VEGFA: variants seen among roughly 807,000 people sequenced by gnomAD.
VEGFA encodes vascular endothelial growth factor A.
Under a neutral mutation model 49.7 loss-of-function variants are expected in VEGFA, and 20 were observed. That is an observed-to-expected ratio of 0.40 (90% CI 0.28 to 0.58). VEGFA has a LOEUF of 0.58. VEGFA is among the 20% of genes least tolerant of loss of function. The pLI is 0.40. For synonymous variants in VEGFA, 219 were observed against 223.4 expected, an observed-to-expected ratio of 0.98 and a Z score of 0.18; for missense variants, 505 against 553.5, an observed-to-expected ratio of 0.91 and a Z score of 0.88.
At chr6:43,779,015 C>G in intron 5 of VEGFA, 97 bp downstream of exon 5, 1 of 1,519,074 alleles carries the variant, frequency 6.6e-7, no homozygotes, top group South Asian at 1.1e-5. Flanking sequence ...CATAGCCTCC[C>G]TGGGTCAGGG....
In VEGFA at chr6:43,773,014, G is replaced by A. The variant is rs1024759690; in HGVS notation, c.607-1327G>A. On this transcript the variant is annotated intron_variant, in intron 1 of 7. Transcript: ENST00000672860. The surrounding 1 kb of genome is among the most constrained non-coding windows in gnomAD (Gnocchi z 5.6). The stretch of plus-strand genomic sequence containing the variant: ...GGGCCCAGGAGGAGTGGAGGGTCCC[G>A]GGAGAATATTGTCAGGGGGAAGGCA... 1.3e-5 allele frequency among the ~76,000 whole-genome samples: 2 copies of A among 152,080 alleles called. No individual in the cohort carries two copies. The highest frequency in any genetic ancestry group is 2.9e-5 in the Non-Finnish European group (2 of 68,010).
chr6:43,780,678 T>G, intron 5 of VEGFA, 54 bp from the exon 6 acceptor site: 1 of 1,583,728 alleles, frequency 6.3e-7, no homozygotes. Context: ...ACCACTTCTT[T>G]TACTCCCCCC....
intron 3 of VEGFA, 79 bp from the exon 4 acceptor site, chr6:43,778,381 G>A: frequency 1.6e-6 from 2 of 1,264,064 alleles, no homozygotes; most frequent in South Asian, 1.2e-5. Flanking sequence ...GTGCTGAGTG[G>A]CAGGAGCCCC....
chr6:43,783,272 A>C (rs1435914495), intron 7 of VEGFA: 2 of 152,422 alleles, frequency 1.3e-5, no homozygotes, highest in Admixed American at 6.5e-5. Flanking sequence ...AGACAGGGCC[A>C]AGGCACCCCC....
At chr6:43,778,824 A>G (rs896370389) in intron 4 of VEGFA, 65 bp from the exon 5 acceptor site, 3 of 1,550,594 alleles carry the variant, frequency 1.9e-6, no homozygotes, top group African/African-American at 1.4e-5. Context: ...TGTTATCCCT[A>G]TCATTATCAT....
At chr6:43,775,127 A>C (rs1582484160) in intron 2 of VEGFA, 1 of 152,892 alleles carries the variant, frequency 6.5e-6, no homozygotes, top group South Asian at 2.1e-4. Flanking sequence ...AGTTTCCCTG[A>C]CCTAAATCTG....
At chr6:43,774,413 G>A (rs752276410) in intron 2 of VEGFA, 21 bp downstream of exon 2, 60 of 1,613,998 alleles carry the variant, frequency 3.7e-5, no homozygotes, top group Non-Finnish European at 5.1e-5. Flanking sequence ...CTGGCTGTTG[G>A]ATGGGGTTCC....
At position 43,780,906 on chromosome 6, in the gene VEGFA, T is replaced by C. The variant is rs3025052; in HGVS notation, c.1034+103T>C. ...TAACCCTGCCTCCCTCCCCTGGTCC[T>C]TCCCTGGCTCTCATCCTCCTGGCCC... On this transcript the variant is annotated intron_variant, in intron 6 of 7. Coordinates refer to ENST00000672860, the MANE Select transcript of VEGFA (RefSeq NM_003376.6). 0.97 allele frequency: 1,571,215 copies of C among 1,612,486 alleles called. 765,635 individuals carry two copies. The highest frequency in any genetic ancestry group is 1 in the East Asian group (44,855 of 44,868).
At position 43,773,607 on chromosome 6, in the gene VEGFA, C is replaced by T. The variant is rs1207705026; in HGVS notation, c.607-734C>T. 1.3e-5 allele frequency: 2 copies of T among 152,686 alleles called. No homozygotes were observed. The highest frequency in any genetic ancestry group is 2.9e-5 in the Non-Finnish European group (2 of 68,444). The allele number at this position is 152,686 out of a possible 1,614,324, so 9.5% of individuals were successfully genotyped here. On this transcript the variant is annotated intron_variant, in intron 1 of 7. Coordinates refer to ENST00000672860, the MANE Select transcript of VEGFA (RefSeq NM_003376.6). This position sits in a 1 kb window ranked among gnomAD's most constrained non-coding sequence, Gnocchi z 5.6. ...AGGTGAGAGGGGCTTGGCACCTCCTCACCCTGGGAGGGAGAAGAAACCAGG... is the reference window on the plus strand; with the variant it reads ...AGGTGAGAGGGGCTTGGCACCTCCTTACCCTGGGAGGGAGAAGAAACCAGG...
At position 43,786,389 on chromosome 6, in the gene VEGFA, C is replaced by T. The variant is rs1401635629; in HGVS notation, c.*1827C>T. 5.7e-6 allele frequency: 1 copy of T among 174,518 alleles called. No individual in the cohort carries two copies. Among genetic ancestry groups the T allele is most frequent in the Non-Finnish European group, 1.2e-5 (1 of 80,938 alleles). 10.8% of individuals were successfully genotyped at this position (174,518 alleles called of 1,614,324 possible). On this transcript the variant is annotated 3_prime_UTR_variant, in exon 8 of 8. Transcript: ENST00000672860. ...TCTAGTGCAGTTTTTCGAGATATTCCGTAGTACATATTTATTTTTAAACAA... is the reference window on the plus strand; with the variant it reads ...TCTAGTGCAGTTTTTCGAGATATTCTGTAGTACATATTTATTTTTAAACAA...
At chr6:43,781,023 G>A (rs957056447) in intron 6 of VEGFA, 6 of 1,167,692 alleles carry the variant, frequency 5.1e-6, no homozygotes, top group Non-Finnish European at 4.9e-6. Context: ...GTGAATGGGG[G>A]TGCCGACTTG....
rs1029847964 is a variant in VEGFA, at chr6:43,771,305, A to T, written c.599A>T (p.His200Leu). 1.2e-6 allele frequency: 2 copies of T among 1,603,124 alleles called. No homozygotes were observed. The highest frequency in any genetic ancestry group is 3.4e-5 in the Admixed American group (2 of 59,536). The change falls in exon 1 of 8, where the codon CAT becomes CTT. Residue 200 changes from histidine to leucine, a missense_variant. Coordinates refer to ENST00000672860, the MANE Select transcript of VEGFA (RefSeq NM_003376.6). ...CTTGCCTTGCTGCTCTACCTCCACC[A>T]TGCCAAGGTAAGCGGTCGTGCCCTG...
Position 43,781,955 on chromosome 6 carries a change from G to A in VEGFA, c.1035-1G>A, listed in dbSNP as rs748235685. ...ATGTCTTTCCTTTTGCCTTTTTGCA[G>A]TCCCTGTGGGCCTTGCTCAGAGCGG... is the stretch of plus-strand genomic sequence containing the variant. On this transcript the variant is annotated splice_acceptor_variant, in intron 6 of 7. Transcript: ENST00000672860. LOFTEE classifies it high-confidence loss of function. 6.2e-7 allele frequency: 1 copy of A among 1,613,980 alleles called. No homozygotes were observed. Among genetic ancestry groups the A allele is most frequent in the South Asian group, 1.1e-5 (1 of 91,072 alleles).
chr6:43,771,522 C>T (rs1763553503), intron 1 of VEGFA, among the ~76,000 whole-genome samples: 1 of 151,998 alleles, frequency 6.6e-6, no homozygotes, highest in South Asian at 2.1e-4. Context: ...TCACCGCCCA[C>T]GCGGGCCCTG....
chr6:43,784,444 T>C, intron 7 of VEGFA, 97 bp from the exon 8 acceptor site: 1 of 1,202,720 alleles, frequency 8.3e-7, no homozygotes, highest in Non-Finnish European at 1.2e-6. Flanking sequence ...GAGGCTGCAG[T>C]GACCCAGGGG....
At position 43,777,669 on chromosome 6, in the gene VEGFA, G is replaced by A. The variant is rs1765867899; in HGVS notation, c.855+4G>A. ...GGAGTCCAACATCACCATGCAGGTGGGCATCTTTGGGAAGTGGGGCAAGGG... is the reference window on the plus strand; with the variant it reads ...GGAGTCCAACATCACCATGCAGGTGAGCATCTTTGGGAAGTGGGGCAAGGG... On this transcript the variant is annotated splice_donor_region_variant and intron_variant, in intron 3 of 7. Coordinates refer to ENST00000672860, the MANE Select transcript of VEGFA (RefSeq NM_003376.6). This position sits in a 1 kb window ranked among gnomAD's most constrained non-coding sequence, Gnocchi z 4.3. 6.9e-7 allele frequency: 1 copy of A among 1,440,998 alleles called. No homozygotes were observed. The highest frequency in any genetic ancestry group is 9.3e-7 in the Non-Finnish European group (1 of 1,070,438). 89.3% of individuals were successfully genotyped at this position (1,440,998 alleles called of 1,614,324 possible). A position where few individuals can be genotyped will look rare whatever the true frequency, so the allele number is the denominator to read the frequency against.
chr6:43,771,617 T>A (rs766945366), intron 1 of VEGFA, among the ~76,000 whole-genome samples: 4 of 152,148 alleles, frequency 2.6e-5, no homozygotes, highest in Non-Finnish European at 5.9e-5. Flanking sequence ...GGGGCTGGGC[T>A]TGCGTTGCCG....
intron 1 of VEGFA, chr6:43,772,070 G>A: frequency 1.0e-6 from 1 of 985,496 alleles, no homozygotes; most frequent in Non-Finnish European, 1.2e-6. Flanking sequence ...CCCTCCCCCC[G>A]CCAGCCCTCC....
At chr6:43,782,145 A>G in intron 7 of VEGFA, 58 bp downstream of exon 7, 2 of 1,603,770 alleles carry the variant, frequency 1.2e-6, no homozygotes, top group East Asian at 4.5e-5. Flanking sequence ...ATGGGGAGAG[A>G]GAGAGAGAAA....
Sources: allele counts gnomAD v4.1 joint callset (sites outside exome capture counted in the v4.1 genomes callset), GRCh38; gene constraint gnomAD v4.1.1; non-coding constraint Gnocchi (gnomAD v3.1); transcripts MANE v1.5; gene names NCBI Gene and HGNC (gene_info 2026-07-23, HGNC 2026-07-21).